OR2T6: variants seen among roughly 807,000 people sequenced by gnomAD.
OR2T6 encodes the protein olfactory receptor 2T6.
For missense variants in OR2T6, 424 were observed against 391.6 expected, an observed-to-expected ratio of 1.08 and a Z score of -0.70; for synonymous variants, 174 against 148.0, an observed-to-expected ratio of 1.18 and a Z score of -1.27.
chr1:248,388,657 G>C lies in OR2T6; in HGVS notation c.*122G>C. The C allele has an allele frequency of 1.4e-6, 1 of 697,208 alleles. No homozygotes were observed. Among genetic ancestry groups the C allele is most frequent in the Non-Finnish European group, 2.3e-6 (1 of 432,096 alleles). The allele number at this position is 697,208 out of a possible 1,614,324, so 43.2% of individuals were successfully genotyped here. The stretch of plus-strand genomic sequence containing the variant: ...ATGCTGACAGGAACTTTCAATACCA[G>C]CTGTGCTAAATGGTGTATCAACAGT... On this transcript the variant is annotated 3_prime_UTR_variant, in exon 3 of 3. Coordinates refer to ENST00000641644, the MANE Select transcript of OR2T6 (RefSeq NM_001005471.2).
intron 1 of OR2T6, among the ~76,000 whole-genome samples, chr1:248,378,201 A>G (rs1455949779): frequency 6.6e-6 from 1 of 152,212 alleles, no homozygotes; most frequent in East Asian, 1.9e-4. Flanking sequence ...CCAGACGCTT[A>G]CAGAAAAAAA....
rs765114921 is a variant in OR2T6 at position 248,388,585 on chromosome 1, C to A, written c.*50C>A. 1.6e-5 allele frequency: 23 copies of A among 1,412,704 alleles called. No homozygotes were observed. The highest frequency in any genetic ancestry group is 2.1e-5 in the Non-Finnish European group (22 of 1,041,166). The allele number at this position is 1,412,704 out of a possible 1,614,324, so 87.5% of individuals were successfully genotyped here. On this transcript the variant is annotated 3_prime_UTR_variant, in exon 3 of 3. Transcript: ENST00000641644. The stretch of plus-strand genomic sequence containing the variant: ...GAATTCTGATGGTCTAAAACCTCCA[C>A]ATCCTGTTCAGGCATATATGGGGTC...
intron 1 of OR2T6, among the ~76,000 whole-genome samples, chr1:248,382,755 C>T (rs1661061763): frequency 6.6e-6 from 1 of 152,084 alleles, no homozygotes; most frequent in African/African-American, 2.4e-5. Context: ...AACTCCTGAC[C>T]TCAGGTGATC....
rs1661196130 is a variant in OR2T6 at position 248,388,710 on chromosome 1, T to C, written c.*175T>C. 6.1e-6 allele frequency: 3 copies of C among 493,088 alleles called. No individual in the cohort carries two copies. In the East Asian group the frequency reaches 8.8e-5, roughly 14 times the overall value. 30.5% of individuals were successfully genotyped at this position (493,088 alleles called of 1,614,324 possible). ...CCCCATCAAAAATGGGAAGTTGCTGTAACAGTCACACACAAATAATGCCAG... is the reference window on the plus strand; with the variant it reads ...CCCCATCAAAAATGGGAAGTTGCTGCAACAGTCACACACAAATAATGCCAG... On this transcript the variant is annotated 3_prime_UTR_variant, in exon 3 of 3. Transcript: ENST00000641644.
At chr1:248,382,969 T>C (rs1661065536) in intron 1 of OR2T6, among the ~76,000 whole-genome samples, 1 of 152,246 alleles carries the variant, frequency 6.6e-6, no homozygotes, top group African/African-American at 2.4e-5. Context: ...CCTGGAACTG[T>C]TTTTAATTGT....
intron 2 of OR2T6, among the ~76,000 whole-genome samples, chr1:248,385,093 G>A (rs1661115650): frequency 6.6e-6 from 1 of 152,128 alleles, no homozygotes; most frequent in South Asian, 2.1e-4. Flanking sequence ...TTCTTGGCTA[G>A]GGGAGGGTAA....
At chr1:248,377,547 GA>G (rs1660956731) in intron 1 of OR2T6, among the ~76,000 whole-genome samples, 1 of 152,250 alleles carries the variant, frequency 6.6e-6, no homozygotes, top group Non-Finnish European at 1.5e-5. Context: ...ACAAGTTGAA[GA>G]GGTGTCATGA....
At position 248,388,088 on chromosome 1, in the gene OR2T6, C is replaced by T; in HGVS notation, c.480C>T (p.Thr160=). 1.2e-6 allele frequency: 2 copies of T among 1,614,060 alleles called. No individual in the cohort carries two copies. The highest frequency in any genetic ancestry group is 1.7e-6 in the Non-Finnish European group (2 of 1,180,014). ...FGGALDSFLL[T]PITMSLPFCA... ...GGGCTTTGGACAGTTTTCTCCTCAC[C>T]CCCATTACCATGAGTCTCCCGTTCT... The change falls in exon 3 of 3, where the codon ACC becomes ACT. Residue 160 remains threonine, a synonymous_variant. Transcript: ENST00000641644.
At chr1:248,387,567 ACC>A in intron 2 of OR2T6, 36 bp from the exon 3 acceptor site, 3 of 1,194,286 alleles carry the variant, frequency 2.5e-6, no homozygotes, top group Non-Finnish European at 3.5e-6. Flanking sequence ...ATTTTCATTG[ACC>A]CTGCTTCTCT....
At chr1:248,380,950 T>A (rs1381260533) in intron 1 of OR2T6, among the ~76,000 whole-genome samples, 1 of 152,056 alleles carries the variant, frequency 6.6e-6, no homozygotes, top group African/African-American at 2.4e-5. Context: ...TTGCATTTTT[T>A]TAGTTTTCTT....
chr1:248,376,668 CTT>C (rs1466097385), intron 1 of OR2T6, among the ~76,000 whole-genome samples: 2 of 151,758 alleles, frequency 1.3e-5, no homozygotes, highest in Non-Finnish European at 2.9e-5. Flanking sequence ...TTTTTTTCAA[CTT>C]TTATTTTAGA....
Position 248,378,248 on chromosome 1 carries a change from G to A in OR2T6, c.-159+2194G>A, listed in dbSNP as rs113744464. On this transcript the variant is annotated intron_variant, in intron 1 of 2. Coordinates refer to ENST00000641644, the MANE Select transcript of OR2T6 (RefSeq NM_001005471.2). Reference sequence around the variant, plus strand: ...TGTACTTACACTAGCAGTGTGTGATGTTCCCCGCTTCTTCACAATAAAAAT... The same window carrying A: ...TGTACTTACACTAGCAGTGTGTGATATTCCCCGCTTCTTCACAATAAAAAT... 1.1e-3 allele frequency among the ~76,000 whole-genome samples: 171 copies of A among 152,242 alleles called. 1 individual carries two copies. The highest frequency in any genetic ancestry group is 3.9e-3 in the African/African-American group (160 of 41,534).
intron 2 of OR2T6, 73 bp from the exon 3 acceptor site, chr1:248,387,532 A>G (rs1661153873): frequency 2.2e-6 from 2 of 924,310 alleles, no homozygotes; most frequent in African/African-American, 3.3e-5. Flanking sequence ...TTACACAGAC[A>G]TGTTTAAGTG....
Position 248,380,228 on chromosome 1 carries a change from G to A in OR2T6, c.-159+4174G>A, listed in dbSNP as rs779052428. On this transcript the variant is annotated intron_variant, in intron 1 of 2. Transcript: ENST00000641644. Reference sequence around the variant, plus strand: ...TCATACAAAACTATACTTTAAAATCGTCTTCTTCATTAAAATTTCAAACTA... The same window carrying A: ...TCATACAAAACTATACTTTAAAATCATCTTCTTCATTAAAATTTCAAACTA... Among the ~76,000 whole-genome samples the A allele has an allele frequency of 4.9e-4, 75 of 151,658 alleles. 1 individual carries two copies. Among genetic ancestry groups the A allele is most frequent in the Middle Eastern group, 3.4e-3 (1 of 294 alleles).
chr1:248,386,597 T>C (rs1337983885), intron 2 of OR2T6, among the ~76,000 whole-genome samples: 1 of 152,234 alleles, frequency 6.6e-6, no homozygotes. Context: ...TGCAACTCAA[T>C]TCTACTGATA....
chr1:248,382,057 G>T (rs531611760), intron 1 of OR2T6, among the ~76,000 whole-genome samples: 3 of 152,284 alleles, frequency 2.0e-5, no homozygotes, highest in Non-Finnish European at 2.9e-5. Context: ...TGGGGGAAAT[G>T]GATACAAAAG....
Position 248,387,847 on chromosome 1 carries a change from AG to A in OR2T6, c.240del (p.Met81CysfsTer3), listed in dbSNP as rs1162358377. The A allele has an allele frequency of 1.3e-6, 2 of 1,599,188 alleles. No homozygotes were observed. The highest frequency in any genetic ancestry group is 2.7e-5 in the African/African-American group (2 of 74,598). On this transcript the variant is annotated frameshift_variant, in exon 3 of 3. Transcript: ENST00000641644. LOFTEE classifies it low-confidence loss of function (END_TRUNC). ...DTLYISTIVP[K>X]MLVDYLMGEG... ...TTATACATCTCCACCATTGTGCCCA[AG>A]ATGCTGGTAGATTATCTCATGGGCG...
Position 248,384,808 on chromosome 1 carries a change from A to G in OR2T6, c.-61A>G, listed in dbSNP as rs1352782574. ...ATTTTGGGTGGACAGTGGACAGAAT[A>G]AATCTTCAGCCCGTTTTTCCCCTCA... On this transcript the variant is annotated 5_prime_UTR_variant, in exon 2 of 3. The change creates a new upstream start codon in the 5' untranslated region. Coordinates refer to ENST00000641644, the MANE Select transcript of OR2T6 (RefSeq NM_001005471.2). The G allele has an allele frequency of 6.8e-6, 1 of 146,868 alleles. No homozygotes were observed. Among genetic ancestry groups the G allele is most frequent in the Non-Finnish European group, 1.5e-5 (1 of 68,080 alleles). The allele number at this position is 146,868 out of a possible 1,614,324, so 9.1% of individuals were successfully genotyped here. A position where few individuals can be genotyped will look rare whatever the true frequency, so the allele number is the denominator to read the frequency against.
chr1:248,382,085 G>A (rs547821705), intron 1 of OR2T6, among the ~76,000 whole-genome samples: 1 of 152,260 alleles, frequency 6.6e-6, no homozygotes, highest in East Asian at 1.9e-4. Flanking sequence ...AGTATCCGTG[G>A]CCACACAATT....
Sources: gnomAD v4.1 joint callset for allele counts (sites outside exome capture counted in the v4.1 genomes callset) on GRCh38, gnomAD v4.1.1 for gene constraint, MANE v1.5 for transcripts, NCBI Gene and HGNC (gene_info 2026-07-23, HGNC 2026-07-21) for gene names.